USP32: variants seen among roughly 807,000 people sequenced by gnomAD.
The protein encoded by USP32 is ubiquitin specific peptidase 32, also known as ubiquitin carboxyl-terminal hydrolase 32.
A neutral mutation model predicts 204.8 loss-of-function variants in USP32; 59 were observed. The observed-to-expected ratio is 0.29, with a 90% CI of 0.23 to 0.36. The LOEUF (loss-of-function observed/expected upper bound fraction) is 0.36. Among genes scored for constraint, USP32 ranks in the 10% least tolerant of loss-of-function variants. The probability of loss-of-function intolerance (pLI) is 1.00; values close to 1 mark genes in which losing one functional copy is unlikely to be tolerated. For missense variants in USP32, 1,160 were observed against 1,946.4 expected, an observed-to-expected ratio of 0.60 and a Z score of 7.60; for synonymous variants, 517 against 678.4, an observed-to-expected ratio of 0.76 and a Z score of 3.70.
chr17:60,213,919 G>C (rs2085035485), intron 17 of USP32, among the ~76,000 whole-genome samples: 1 of 151,458 alleles, frequency 6.6e-6, no homozygotes, highest in African/African-American at 2.4e-5. Context: ...GGTGGTGTTT[G>C]GTTACATGAA....
intron 2 of USP32, among the ~76,000 whole-genome samples, chr17:60,317,877 T>A (rs1412752963): frequency 6.6e-6 from 1 of 152,044 alleles, no homozygotes; most frequent in Non-Finnish European, 1.5e-5. Flanking sequence ...CCCAGCTACC[T>A]GGGAGGCTGA....
Position 60,179,177 on chromosome 17 carries a change from G to C in USP32, c.*78C>G. On this transcript the variant is annotated 3_prime_UTR_variant, in exon 34 of 34. Transcript: ENST00000300896. ...ATAACTACATTTAGCTTGCCTTTCAGTGACGCTTTTGCCAAATGTCAGCTA... is the reference window on the plus strand; with the variant it reads ...ATAACTACATTTAGCTTGCCTTTCACTGACGCTTTTGCCAAATGTCAGCTA... The C allele has an allele frequency of 1.3e-6, 2 of 1,494,176 alleles. No individual in the cohort carries two copies. Among genetic ancestry groups the C allele is most frequent in the Non-Finnish European group, 1.8e-6 (2 of 1,105,342 alleles). 92.6% of individuals were successfully genotyped at this position (1,494,176 alleles called of 1,614,324 possible).
At chr17:60,378,120 T>C (rs368647836) in intron 1 of USP32, among the ~76,000 whole-genome samples, 2 of 152,102 alleles carry the variant, frequency 1.3e-5, no homozygotes, top group East Asian at 1.9e-4. Flanking sequence ...CACATCTCAA[T>C]TCAAAAATGG....
intron 2 of USP32, among the ~76,000 whole-genome samples, chr17:60,329,640 A>G (rs1226104392): frequency 6.6e-6 from 1 of 152,078 alleles, no homozygotes; most frequent in Non-Finnish European, 1.5e-5. Context: ...AACACTCCTT[A>G]TTACTTTTCT....
At chr17:60,248,895 C>A (rs1442258121) in intron 11 of USP32, among the ~76,000 whole-genome samples, 1 of 151,942 alleles carries the variant, frequency 6.6e-6, no homozygotes. Flanking sequence ...ATAATTTTTT[C>A]TTGTTGAAAA....
In USP32 at chr17:60,192,910, T is replaced by C; in HGVS notation, c.3455A>G (p.Gln1152Arg). 1 of 1,613,926 alleles carries C rather than the reference T, an allele frequency of 6.2e-7. No individual in the cohort carries two copies. Among genetic ancestry groups the C allele is most frequent in the Non-Finnish European group, 8.5e-7 (1 of 1,179,788 alleles). ...AQDCDDSMGYQYPFTLRVVQK... is the reference protein window; with the variant it reads ...AQDCDDSMGYRYPFTLRVVQK... ...CACAACTCGTAGAGTGAATGGATATTGATAGCCCATACTGTCGTCACTGAA... is the reference window on the plus strand; with the variant it reads ...CACAACTCGTAGAGTGAATGGATATCGATAGCCCATACTGTCGTCACTGAA... The change falls in exon 28 of 34, where the codon CAA (glutamine) becomes CGA (arginine). Residue 1152 changes from glutamine (Q) to arginine (R), a missense_variant. By Grantham distance (43) the Gln-to-Arg change is conservative (BLOSUM62 1). This residue lies in a region of USP32 where 160 missense variants were observed against 322.5 expected (regional missense o/e 0.50). Coordinates refer to ENST00000300896, the MANE Select transcript of USP32 (RefSeq NM_032582.4).
At chr17:60,222,635 C>A in intron 14 of USP32, 86 bp from the exon 15 acceptor site, 8 of 1,187,476 alleles carry the variant, frequency 6.7e-6, no homozygotes, top group South Asian at 1.5e-5. Context: ...GGAAAACAAA[C>A]TCATATATCA....
rs113878940 is a variant in USP32 at position 60,192,656 on chromosome 17, C to G, written c.3521+188G>C. 3.4e-3 allele frequency among the ~76,000 whole-genome samples: 516 copies of G among 152,274 alleles called. 2 individuals carry two copies. The highest frequency in any genetic ancestry group is 7.5e-3 in the Admixed American group (115 of 15,298). ...TACTAGGTTAGGCTGGTCTCCTGATCTCAGGTGATCCACCCACCTCGGCTT... is the reference window on the plus strand; with the variant it reads ...TACTAGGTTAGGCTGGTCTCCTGATGTCAGGTGATCCACCCACCTCGGCTT... On this transcript the variant is annotated intron_variant, in intron 28 of 33. Transcript: ENST00000300896.
At chr17:60,332,427 C>G (rs1028665447) in intron 2 of USP32, among the ~76,000 whole-genome samples, 1 of 152,000 alleles carries the variant, frequency 6.6e-6, no homozygotes, top group Non-Finnish European at 1.5e-5. Context: ...GCGGGTGGAT[C>G]ACCTGAGGTC....
At chr17:60,265,315 G>T in intron 9 of USP32, 97 bp downstream of exon 9, 1 of 778,260 alleles carries the variant, frequency 1.3e-6, no homozygotes, top group Non-Finnish European at 2.1e-6. Flanking sequence ...TGGTAGGGAG[G>T]ATGCCAAAGA....
intron 1 of USP32, among the ~76,000 whole-genome samples, chr17:60,353,729 A>T (rs1436479293): frequency 6.6e-6 from 1 of 152,222 alleles, no homozygotes; most frequent in Non-Finnish European, 1.5e-5. Flanking sequence ...AGACAGAGTG[A>T]GACTCTGTCT....
chr17:60,363,665 T>C (rs930165265), intron 1 of USP32, among the ~76,000 whole-genome samples: 2 of 151,734 alleles, frequency 1.3e-5, no homozygotes, highest in African/African-American at 4.8e-5. Flanking sequence ...TTTTTGTTTT[T>C]TTCAGGGTTT....
chr17:60,403,698 G>T (rs1342329532), intron 1 of USP32, among the ~76,000 whole-genome samples: 1 of 152,132 alleles, frequency 6.6e-6, no homozygotes, highest in Non-Finnish European at 1.5e-5. Context: ...ATGCTTCAGG[G>T]ACAAACTATA....
intron 4 of USP32, among the ~76,000 whole-genome samples, chr17:60,291,774 T>C (rs555572045): frequency 1.3e-5 from 2 of 152,260 alleles, no homozygotes; most frequent in Non-Finnish European, 1.5e-5. Flanking sequence ...AGGTATCTAA[T>C]AGTTCAAATA....
At chr17:60,191,071 C>T (rs772862300) in intron 28 of USP32, among the ~76,000 whole-genome samples, 1 of 152,108 alleles carries the variant, frequency 6.6e-6, no homozygotes, top group Non-Finnish European at 1.5e-5. Flanking sequence ...CACCTAGCTC[C>T]TTGTCTGTAA....
chr17:60,269,060 A>C (rs1209269710), intron 7 of USP32, among the ~76,000 whole-genome samples: 1 of 152,234 alleles, frequency 6.6e-6, no homozygotes, highest in African/African-American at 2.4e-5. Flanking sequence ...TCTTTTGCCA[A>C]TGAAATATTA....
intron 11 of USP32, chr17:60,245,585 G>A (rs1284793582): frequency 6.4e-6 from 2 of 311,664 alleles, no homozygotes; most frequent in Non-Finnish European, 1.2e-5. Flanking sequence ...ACTGGTGCTG[G>A]ATGAAATTCT....
rs35830572 is a variant in USP32 at position 60,314,128 on chromosome 17, C to CTTTTTTTTTT, written c.187-12434_187-12425dup. Among the ~76,000 whole-genome samples, 3 of 52,808 alleles carry CTTTTTTTTTT rather than the reference C, an allele frequency of 5.7e-5. 1 individual carries two copies. The highest frequency in any genetic ancestry group is 2.4e-4 in the African/African-American group (3 of 12,680). The allele number at this position is 52,808 out of a possible 152,430, so 34.6% of individuals were successfully genotyped here. A position where few individuals can be genotyped will look rare whatever the true frequency, so the allele number is the denominator to read the frequency against. ...TCTGAACTAAAAAGTTATTGTGTGG[C>CTTTTTTTTTT]TTTTTTTTTTTTTTTTTTTTTTTTT... On this transcript the variant is annotated intron_variant, in intron 2 of 33. Transcript: ENST00000300896.
intron 26 of USP32, among the ~76,000 whole-genome samples, chr17:60,200,776 C>T (rs2084657622): frequency 6.6e-6 from 1 of 152,156 alleles, no homozygotes; most frequent in Non-Finnish European, 1.5e-5. Flanking sequence ...ATCCTATGCA[C>T]AAGTAAATAA....
Sources: allele counts gnomAD v4.1 joint callset (sites outside exome capture counted in the v4.1 genomes callset), GRCh38; gene constraint gnomAD v4.1.1; regional missense constraint gnomAD v4.1.1; transcripts MANE v1.5; gene names NCBI Gene and HGNC (gene_info 2026-07-23, HGNC 2026-07-21).